The following EPHA6 variants were observed in gnomAD, a reference collection of about 807,000 sequenced individuals.
The protein encoded by EPHA6 is ephrin type-A receptor 6.
EPHA6 carries 50 observed loss-of-function variants against 112.0 expected under a neutral mutation model. The observed-to-expected ratio is 0.45, with a 90% CI of 0.36 to 0.56. The LOEUF (loss-of-function observed/expected upper bound fraction) is 0.56. Among genes scored for constraint, EPHA6 ranks in the 20% least tolerant of loss-of-function variants. The pLI is 0.00. For missense variants in EPHA6, 1,280 were observed against 1,417.4 expected, an observed-to-expected ratio of 0.90 and a Z score of 1.56; for synonymous variants, 529 against 490.7, an observed-to-expected ratio of 1.08 and a Z score of -1.03.
chr3:96,983,629 A>T (rs913904172), intron 2 of EPHA6, among the ~76,000 whole-genome samples: 1 of 152,188 alleles, frequency 6.6e-6, no homozygotes, highest in Non-Finnish European at 1.5e-5. Flanking sequence ...GTTCTTCTGG[A>T]TAATGTCCTG....
chr3:97,179,850 C>T (rs1334839987), intron 3 of EPHA6, among the ~76,000 whole-genome samples: 1 of 151,648 alleles, frequency 6.6e-6, no homozygotes, highest in Non-Finnish European at 1.5e-5. Context: ...TTGAAGCCAG[C>T]ACAGCACTAG....
intron 13 of EPHA6, among the ~76,000 whole-genome samples, chr3:97,630,325 A>G (rs1410813438): frequency 1.3e-5 from 2 of 152,140 alleles, no homozygotes; most frequent in East Asian, 1.9e-4. Context: ...TGGGAAGACC[A>G]CAAGAACTCA....
intron 14 of EPHA6, among the ~76,000 whole-genome samples, chr3:97,678,767 C>T (rs1390477861): frequency 1.3e-5 from 2 of 152,066 alleles, no homozygotes; most frequent in South Asian, 2.1e-4. Flanking sequence ...ATGATTATTA[C>T]TTTTATATGA....
chr3:97,161,502 G>A (rs1422295669), intron 3 of EPHA6, among the ~76,000 whole-genome samples: 1 of 152,228 alleles, frequency 6.6e-6, no homozygotes, highest in East Asian at 1.9e-4. Context: ...CTTATTCTTG[G>A]CTCCACTCAA....
chr3:97,043,587 C>G (rs2045396672), intron 3 of EPHA6, among the ~76,000 whole-genome samples: 1 of 152,158 alleles, frequency 6.6e-6, no homozygotes, highest in African/African-American at 2.4e-5. Flanking sequence ...GCAGGCTCCA[C>G]AGCTGGATCA....
intron 3 of EPHA6, among the ~76,000 whole-genome samples, chr3:97,077,793 T>C (rs771639882): frequency 1.3e-5 from 2 of 152,186 alleles, no homozygotes; most frequent in Non-Finnish European, 2.9e-5. Context: ...CAGTCTATCA[T>C]TGTTGGACAT....
At chr3:97,044,453 G>A (rs1343898419) in intron 3 of EPHA6, among the ~76,000 whole-genome samples, 1 of 152,134 alleles carries the variant, frequency 6.6e-6, no homozygotes, top group Non-Finnish European at 1.5e-5. Context: ...GAAAATGATA[G>A]TTAGAATTAT....
rs2035991942 is a variant in EPHA6 at position 97,754,987 on chromosome 3, G to A, written c.*6286G>A. ...CAAAGTGGTGGGATTACAGGCGTGA[G>A]CCACCGCGCCCGGCCACAAAGTTTT... On this transcript the variant is annotated 3_prime_UTR_variant, in exon 18 of 18. Transcript: ENST00000389672. 6.6e-6 allele frequency among the ~76,000 whole-genome samples: 1 copy of A among 152,232 alleles called. No homozygotes were observed. The highest frequency in any genetic ancestry group is 6.5e-5 in the Admixed American group (1 of 15,276).
chr3:97,020,290 AATATAG>A (rs1218217060), intron 3 of EPHA6, among the ~76,000 whole-genome samples: 3 of 152,242 alleles, frequency 2.0e-5, no homozygotes, highest in African/African-American at 2.4e-5. Flanking sequence ...AGAGATGAAA[AATATAG>A]ATATATGCGG....
At chr3:97,103,642 A>T (rs929486239) in intron 3 of EPHA6, among the ~76,000 whole-genome samples, 2 of 152,082 alleles carry the variant, frequency 1.3e-5, no homozygotes, top group African/African-American at 4.8e-5. Context: ...GTTCCATATA[A>T]ATATTAAAAT....
chr3:97,118,697 C>G (rs1362016753), intron 3 of EPHA6, among the ~76,000 whole-genome samples: 3 of 151,852 alleles, frequency 2.0e-5, no homozygotes, highest in Non-Finnish European at 4.4e-5. Context: ...TATTTCCAGT[C>G]TATAGTACCC....
chr3:97,015,696 G>A (rs550678709), intron 3 of EPHA6, among the ~76,000 whole-genome samples: 1 of 152,178 alleles, frequency 6.6e-6, no homozygotes, highest in Admixed American at 6.5e-5. Flanking sequence ...CAGGAGAGGA[G>A]TGAACACTGC....
intron 2 of EPHA6, among the ~76,000 whole-genome samples, chr3:96,886,994 A>G (rs1029624717): frequency 6.6e-6 from 1 of 151,960 alleles, no homozygotes; most frequent in Admixed American, 6.6e-5. Context: ...TTCTTGTATC[A>G]TATTTTGGAT....
chr3:97,281,181 A>G (rs889524869), intron 5 of EPHA6, among the ~76,000 whole-genome samples: 8 of 149,368 alleles, frequency 5.4e-5, no homozygotes, highest in Non-Finnish European at 8.9e-5. Context: ...CGGAATTGCA[A>G]TCATTAATTC....
At chr3:97,275,721 G>C (rs2080051293) in intron 5 of EPHA6, among the ~76,000 whole-genome samples, 1 of 152,240 alleles carries the variant, frequency 6.6e-6, no homozygotes, top group East Asian at 1.9e-4. Flanking sequence ...TGTGGGATGG[G>C]ATATTGGCAT....
chr3:97,478,375 T>A (rs923051407), intron 8 of EPHA6, among the ~76,000 whole-genome samples: 4 of 152,126 alleles, frequency 2.6e-5, no homozygotes, highest in African/African-American at 9.7e-5. Context: ...AAGTATTGCC[T>A]AATAAACTTG....
chr3:97,131,587 T>C (rs560739568), intron 3 of EPHA6, among the ~76,000 whole-genome samples: 1 of 152,116 alleles, frequency 6.6e-6, no homozygotes, highest in Non-Finnish European at 1.5e-5. Context: ...ACTTCATTCT[T>C]CCAAGAAAGG....
intron 14 of EPHA6, among the ~76,000 whole-genome samples, chr3:97,689,277 C>T (rs2032483434): frequency 6.6e-6 from 1 of 152,190 alleles, no homozygotes; most frequent in Non-Finnish European, 1.5e-5. Context: ...TGATGTTCAG[C>T]TCATTCACGA....
At chr3:96,939,303 AG>A (rs2040796198) in intron 2 of EPHA6, among the ~76,000 whole-genome samples, 1 of 152,204 alleles carries the variant, frequency 6.6e-6, no homozygotes. Flanking sequence ...TGGTCTATTC[AG>A]ACATTCAGCT....
Sources: gnomAD v4.1 joint callset for allele counts (sites outside exome capture counted in the v4.1 genomes callset) on GRCh38, gnomAD v4.1.1 for gene constraint, MANE v1.5 for transcripts, NCBI Gene and HGNC (gene_info 2026-07-23, HGNC 2026-07-21) for gene names.